Variants in FERMT1 observed in about 807,000 individuals in gnomAD.
FERMT1 encodes FERM domain containing kindlin 1.
Under a neutral mutation model 85.3 loss-of-function variants are expected in FERMT1, and 60 were observed. The ratio of observed to expected loss-of-function variants is 0.70; its 90% CI spans 0.57 to 0.87. The LOEUF is 0.87. FERMT1 is among the 40% of genes least tolerant of loss of function. FERMT1 has a pLI of 0.00. For synonymous variants in FERMT1, 275 were observed against 301.1 expected (o/e 0.91, Z 0.90); for missense variants, 701 against 818.9 (o/e 0.86, Z 1.76).
At chr20:6,077,527 C>T (rs1317056089) in intron 14 of FERMT1, among the ~76,000 whole-genome samples, 181 bp from the exon 15 acceptor site, 1 of 152,170 alleles carries the variant, frequency 6.6e-6, no homozygotes, top group Non-Finnish European at 1.5e-5. Context: ...TCTTTGCTCT[C>T]TTTGCGCCCT....
At position 6,077,020 on chromosome 20, in the gene FERMT1, C is replaced by T; in HGVS notation, c.*153G>A. 3 of 771,966 alleles carry T rather than the reference C, an allele frequency of 3.9e-6. No individual in the cohort carries two copies. Among genetic ancestry groups the T allele is most frequent in the Non-Finnish European group, 6.7e-6 (3 of 445,398 alleles). 47.8% of individuals were successfully genotyped at this position (771,966 alleles called of 1,614,324 possible). ...GGGCAAAGTAAGGAAAGGGATGTGC[C>T]AGCAGTGGGTTTGAATGAGGATCTG... On this transcript the variant is annotated 3_prime_UTR_variant, in exon 15 of 15. Coordinates refer to ENST00000217289, the MANE Select transcript of FERMT1 (RefSeq NM_017671.5).
At chr20:6,110,562 A>G (rs1330302267) in intron 4 of FERMT1, 51 bp from the exon 5 acceptor site, 1 of 1,369,950 alleles carries the variant, frequency 7.3e-7, no homozygotes, top group Non-Finnish European at 1.0e-6. Flanking sequence ...AGGGATATAA[A>G]TCTTCAAGAA....
rs999972482 is a variant in FERMT1, at chr20:6,104,343, A to G, written c.849+3189T>C. ...CTTGTAGGGTGCCTTGTAAATTTGCAGTGGCTTCATGGGTGTTCTTTCTTC... is the reference window on the plus strand; with the variant it reads ...CTTGTAGGGTGCCTTGTAAATTTGCGGTGGCTTCATGGGTGTTCTTTCTTC... On this transcript the variant is annotated intron_variant, in intron 6 of 14. Transcript: ENST00000217289. This position sits in a 1 kb window ranked among gnomAD's most constrained non-coding sequence, Gnocchi z 4.2. Among the ~76,000 whole-genome samples the G allele has an allele frequency of 2.0e-5, 3 of 152,178 alleles. No homozygotes were observed. Among genetic ancestry groups the G allele is most frequent in the Non-Finnish European group, 4.4e-5 (3 of 68,038 alleles).
chr20:6,112,760 T>G (rs2123145310), intron 3 of FERMT1, 137 bp from the exon 4 acceptor site: 2 of 593,608 alleles, frequency 3.4e-6, no homozygotes, highest in East Asian at 5.9e-5. Context: ...GCATCCCTTT[T>G]GAAGAAACAG....
chr20:6,083,708 AAAAAAAAAAAACC>A (rs1982075932), intron 13 of FERMT1, among the ~76,000 whole-genome samples: 1 of 133,620 alleles, frequency 7.5e-6, no homozygotes, highest in East Asian at 2.1e-4. Context: ...AAAAAAAACA[AAAAAAAAAAAACC>A]GAAAAGAAGT....
At chr20:6,101,366 T>C (rs1041783649) in intron 6 of FERMT1, among the ~76,000 whole-genome samples, 12 of 152,232 alleles carry the variant, frequency 7.9e-5, no homozygotes, top group Admixed American at 3.9e-4. Context: ...TGATTTTTTT[T>C]CAGTGGTTAA....
chr20:6,082,601 T>C (rs368401738), intron 13 of FERMT1, among the ~76,000 whole-genome samples: 13 of 152,280 alleles, frequency 8.5e-5, no homozygotes, highest in East Asian at 5.8e-4. Flanking sequence ...GGGACAAACG[T>C]TGGGGACTGA....
At position 6,078,009 on chromosome 20, in the gene FERMT1, C is replaced by T. The variant is rs546593694; in HGVS notation, c.1861-663G>A. On this transcript the variant is annotated intron_variant, in intron 14 of 14. Coordinates refer to ENST00000217289, the MANE Select transcript of FERMT1 (RefSeq NM_017671.5). Reference sequence around the variant, plus strand: ...GGCTCTTTAATGAATAAAAGTCTGCCTGAATTTTCCTACAGCCACTGCCCG... The same window carrying T: ...GGCTCTTTAATGAATAAAAGTCTGCTTGAATTTTCCTACAGCCACTGCCCG... Among the ~76,000 whole-genome samples, 12 of 152,262 alleles carry T rather than the reference C, an allele frequency of 7.9e-5. No homozygotes were observed. The East Asian group carries it at 1.7e-3, about 22-fold the overall frequency.
intron 11 of FERMT1, among the ~76,000 whole-genome samples, chr20:6,086,126 G>A (rs1331499142): frequency 6.7e-6 from 1 of 150,216 alleles, no homozygotes; most frequent in African/African-American, 2.5e-5. Flanking sequence ...TGGTGACAGA[G>A]CGAGACTCCA....
intron 11 of FERMT1, 73 bp downstream of exon 11, chr20:6,087,704 G>C: frequency 1.2e-6 from 1 of 833,828 alleles, no homozygotes; most frequent in Admixed American, 1.7e-5. Context: ...CTAAATTTGT[G>C]AAAACATTTT....
At chr20:6,102,865 A>C (rs1390743795) in intron 6 of FERMT1, among the ~76,000 whole-genome samples, 2 of 151,910 alleles carry the variant, frequency 1.3e-5, no homozygotes, top group Non-Finnish European at 2.9e-5. Flanking sequence ...AACAAAACCT[A>C]CTTAGCATAG....
intron 2 of FERMT1, among the ~76,000 whole-genome samples, chr20:6,116,369 A>C (rs1225086491): frequency 3.3e-5 from 5 of 152,126 alleles, no homozygotes; most frequent in Admixed American, 2.6e-4. Flanking sequence ...AAAGTAAAAT[A>C]AAAAACATTT....
intron 6 of FERMT1, among the ~76,000 whole-genome samples, chr20:6,100,816 C>T (rs1266018421): frequency 6.6e-6 from 1 of 151,696 alleles, no homozygotes; most frequent in African/African-American, 2.4e-5. Context: ...AAGAAGGTTA[C>T]AAATTTATAA....
intron 4 of FERMT1, 132 bp from the exon 5 acceptor site, chr20:6,110,643 A>G: frequency 2.6e-6 from 2 of 769,026 alleles, no homozygotes; most frequent in Non-Finnish European, 4.5e-6. Context: ...AATATAAGTC[A>G]AGCTGGGCAC....
intron 14 of FERMT1, among the ~76,000 whole-genome samples, chr20:6,077,694 T>A (rs978128483): frequency 2.6e-5 from 4 of 151,980 alleles, no homozygotes; most frequent in Non-Finnish European, 5.9e-5. Context: ...TTTTATTTTT[T>A]TTTTGAGATG....
At chr20:6,079,036 T>C (rs961317345) in intron 14 of FERMT1, among the ~76,000 whole-genome samples, 3 of 152,260 alleles carry the variant, frequency 2.0e-5, no homozygotes, top group Non-Finnish European at 4.4e-5. Flanking sequence ...TCGGGTTTCT[T>C]GGCAGCCAGT....
At position 6,085,741 on chromosome 20, in the gene FERMT1, T is replaced by C. The variant is rs1455600595; in HGVS notation, c.1372-454A>G. 2.0e-5 allele frequency among the ~76,000 whole-genome samples: 3 copies of C among 151,940 alleles called. No homozygotes were observed. In the East Asian group the frequency reaches 5.8e-4, roughly 29 times the overall value. On this transcript the variant is annotated intron_variant, in intron 11 of 14. Transcript: ENST00000217289. ...GGCAGATGCCTGTAATCCCAGCTACTTGGGAGGCTGAAGCAGGAGATCCCT... is the reference window on the plus strand; with the variant it reads ...GGCAGATGCCTGTAATCCCAGCTACCTGGGAGGCTGAAGCAGGAGATCCCT...
intron 8 of FERMT1, 75 bp downstream of exon 8, chr20:6,096,827 T>A: frequency 7.2e-6 from 7 of 967,002 alleles, no homozygotes; most frequent in Non-Finnish European, 9.5e-6. Flanking sequence ...TATTCTCTTC[T>A]AATAAAGAAA....
chr20:6,085,434 C>T (rs1251268806), intron 11 of FERMT1, 147 bp from the exon 12 acceptor site: 1 of 714,498 alleles, frequency 1.4e-6, no homozygotes, highest in African/African-American at 1.7e-5. Flanking sequence ...TGAGTGGCTG[C>T]TCATCAGCTA....
Sources: gnomAD v4.1 joint callset for allele counts (sites outside exome capture counted in the v4.1 genomes callset) on GRCh38, gnomAD v4.1.1 for gene constraint, Gnocchi (gnomAD v3.1) non-coding constraint, MANE v1.5 for transcripts, NCBI Gene and HGNC (gene_info 2026-07-23, HGNC 2026-07-21) for gene names.